Variants in TRAM2 observed in about 807,000 individuals in gnomAD.
TRAM2 encodes translocation associated membrane protein 2.
Under a neutral mutation model 51.0 loss-of-function variants are expected in TRAM2, and 12 were observed. The ratio of observed to expected loss-of-function variants is 0.24; its 90% CI spans 0.15 to 0.38. The LOEUF is 0.38. Ranked by LOEUF, TRAM2 falls within the 10% of genes least tolerant of loss-of-function variation. TRAM2 has a pLI of 1.00. For missense variants in TRAM2, 361 were observed against 462.0 expected (o/e 0.78, Z 2.00); for synonymous variants, 175 against 179.4 (o/e 0.98, Z 0.20).
intron 1 of TRAM2, among the ~76,000 whole-genome samples, chr6:52,556,177 G>C (rs922755132): frequency 6.6e-6 from 1 of 151,980 alleles, no homozygotes; most frequent in Admixed American, 6.6e-5. Context: ...GGCATTCATG[G>C]GCAGAGCCGG....
chr6:52,521,330 C>G (rs978739051), intron 2 of TRAM2, among the ~76,000 whole-genome samples: 1 of 152,104 alleles, frequency 6.6e-6, no homozygotes, highest in African/African-American at 2.4e-5. Flanking sequence ...CTTCCAGATG[C>G]CTACAAACAA....
chr6:52,509,662 G>A lies in TRAM2; in HGVS notation c.412-76C>T, dbSNP rs188997654. 9 of 1,336,896 alleles carry A rather than the reference G, an allele frequency of 6.7e-6. No individual in the cohort carries two copies. In the Admixed American group the frequency reaches 1.0e-4, roughly 15 times the overall value. 82.8% of individuals were successfully genotyped at this position (1,336,896 alleles called of 1,614,324 possible). ...CTGGGGCCCTGGGACCGGTCCAGGG[G>A]TCAGGGATGCATCCAGTCCCCACCT... On this transcript the variant is annotated intron_variant, in intron 4 of 10. Coordinates refer to ENST00000182527, the MANE Select transcript of TRAM2 (RefSeq NM_012288.4).
Position 52,506,210 on chromosome 6 carries a change from C to A in TRAM2, c.627-74G>T, listed in dbSNP as rs1057303427. 2.4e-5 allele frequency: 34 copies of A among 1,389,666 alleles called. 1 individual carries two copies. Among genetic ancestry groups the A allele is most frequent in the Middle Eastern group, 1.8e-4 (1 of 5,538 alleles). The allele number at this position is 1,389,666 out of a possible 1,614,324, so 86.1% of individuals were successfully genotyped here. On this transcript the variant is annotated intron_variant, in intron 7 of 10. Coordinates refer to ENST00000182527, the MANE Select transcript of TRAM2 (RefSeq NM_012288.4). ...GAGCAGAAGCCATTGCATCTTGGCT[C>A]AGGCTGTCCCCTGTGCCTGGCTGGG...
At position 52,505,758 on chromosome 6, in the gene TRAM2, G is replaced by T. The variant is rs1766336194; in HGVS notation, c.732-16C>A. 1.9e-6 allele frequency: 3 copies of T among 1,592,104 alleles called. No individual in the cohort carries two copies. The highest frequency in any genetic ancestry group is 1.7e-4 in the Middle Eastern group (1 of 5,734). ...GGCACTGAACCTGCTCACAGAGGCA[G>T]AAGAGGGATGTCAGTCTTTAGCGCC... On this transcript the variant is annotated splice_polypyrimidine_tract_variant and intron_variant, in intron 8 of 10. Coordinates refer to ENST00000182527, the MANE Select transcript of TRAM2 (RefSeq NM_012288.4).
At chr6:52,515,545 A>G (rs1467204180) in intron 4 of TRAM2, among the ~76,000 whole-genome samples, 1 of 152,214 alleles carries the variant, frequency 6.6e-6, no homozygotes, top group Non-Finnish European at 1.5e-5. Context: ...TTGGAACTCT[A>G]TCTCCAAGTC....
At chr6:52,544,847 G>A (rs1767169664) in intron 1 of TRAM2, among the ~76,000 whole-genome samples, 1 of 152,114 alleles carries the variant, frequency 6.6e-6, no homozygotes, top group South Asian at 2.1e-4. Context: ...AGATGAACAG[G>A]AGATACAAAT....
At chr6:52,572,535 G>GTTTCAATTT (rs1767697901) in intron 1 of TRAM2, among the ~76,000 whole-genome samples, 1 of 152,192 alleles carries the variant, frequency 6.6e-6, no homozygotes. Flanking sequence ...CCTGGGAGGC[G>GTTTCAATTT]GAGGCTGCAG....
chr6:52,555,908 T>A (rs1261513073), intron 1 of TRAM2, among the ~76,000 whole-genome samples: 1 of 152,100 alleles, frequency 6.6e-6, no homozygotes, highest in Non-Finnish European at 1.5e-5. Flanking sequence ...CTTATAAAAG[T>A]GGTATTTACA....
At chr6:52,544,435 T>C (rs1402132902) in intron 1 of TRAM2, among the ~76,000 whole-genome samples, 4 of 152,230 alleles carry the variant, frequency 2.6e-5, no homozygotes, top group African/African-American at 9.6e-5. Flanking sequence ...ACCATTCCAG[T>C]AGCTTTAGAA....
At chr6:52,521,909 T>A (rs1766683869) in intron 2 of TRAM2, among the ~76,000 whole-genome samples, 1 of 152,154 alleles carries the variant, frequency 6.6e-6, no homozygotes, top group Admixed American at 6.5e-5. Context: ...AGCACATCTC[T>A]GGCCTATGAG....
chr6:52,554,535 AAAAG>A (rs1438590193), intron 1 of TRAM2, among the ~76,000 whole-genome samples: 5 of 146,626 alleles, frequency 3.4e-5, no homozygotes, highest in Non-Finnish European at 5.9e-5. Context: ...AAAAAAAAAA[AAAAG>A]AAAGAAAGAA....
At chr6:52,565,323 G>A (rs550193730) in intron 1 of TRAM2, among the ~76,000 whole-genome samples, 16 of 152,216 alleles carry the variant, frequency 1.1e-4, no homozygotes, top group Non-Finnish European at 2.4e-4. Context: ...TCATTAGGGC[G>A]AGAGGAGACC....
intron 9 of TRAM2, among the ~76,000 whole-genome samples, 175 bp from the exon 10 acceptor site, chr6:52,504,929 A>G (rs1365585231): frequency 6.6e-6 from 1 of 152,230 alleles, no homozygotes; most frequent in Non-Finnish European, 1.5e-5. Context: ...TGTGTGCTTC[A>G]GTCAGTCTCT....
intron 2 of TRAM2, among the ~76,000 whole-genome samples, chr6:52,522,244 A>C (rs1279050913): frequency 1.3e-5 from 2 of 152,274 alleles, no homozygotes. Context: ...CCTCGATGTC[A>C]GGAACACACT....
In TRAM2 at chr6:52,542,682, AAC is replaced by A. The variant is rs1767125627; in HGVS notation, c.121-6838_121-6837del. On this transcript the variant is annotated intron_variant, in intron 1 of 10. Transcript: ENST00000182527. ...CACGATGTTGAATAGACTCACTATT[AAC>A]AGTTTTGATAGCAGTTTTAGATTAA... Among the ~76,000 whole-genome samples, 4 of 152,346 alleles carry A rather than the reference AAC, an allele frequency of 2.6e-5. 1 individual carries two copies. In the South Asian group the frequency reaches 8.3e-4, roughly 32 times the overall value.
chr6:52,567,757 C>T (rs1022252207), intron 1 of TRAM2, among the ~76,000 whole-genome samples: 2 of 152,200 alleles, frequency 1.3e-5, no homozygotes, highest in African/African-American at 4.8e-5. Context: ...TTCCAATATA[C>T]AGATTTTCTC....
At chr6:52,536,016 A>G (rs1766972333) in intron 1 of TRAM2, among the ~76,000 whole-genome samples, 170 bp from the exon 2 acceptor site, 1 of 152,196 alleles carries the variant, frequency 6.6e-6, no homozygotes, top group Non-Finnish European at 1.5e-5. Flanking sequence ...CTTTAATGAC[A>G]TACCTCTCAA....
intron 1 of TRAM2, among the ~76,000 whole-genome samples, chr6:52,537,954 C>T (rs1466780891): frequency 2.0e-5 from 3 of 152,218 alleles, no homozygotes; most frequent in African/African-American, 7.2e-5. Flanking sequence ...CACTAAGCCA[C>T]CTGAATCCAG....
intron 2 of TRAM2, among the ~76,000 whole-genome samples, chr6:52,528,491 C>T (rs1766823956): frequency 6.6e-6 from 1 of 152,000 alleles, no homozygotes; most frequent in South Asian, 2.1e-4. Context: ...TCCTGCCAAC[C>T]AGCAAAGGGA....
Sources: gnomAD v4.1 joint callset for allele counts (sites outside exome capture counted in the v4.1 genomes callset) on GRCh38, gnomAD v4.1.1 for gene constraint, MANE v1.5 for transcripts, NCBI Gene and HGNC (gene_info 2026-07-23, HGNC 2026-07-21) for gene names.